Variants in PRKN observed in about 807,000 individuals in gnomAD.
PRKN encodes parkin RBR E3 ubiquitin protein ligase.
In PRKN, 56 loss-of-function variants were observed where a neutral mutation model predicts 59.5. The observed-to-expected ratio is 0.94, with a 90% confidence interval of 0.76 to 1.18. The LOEUF (loss-of-function observed/expected upper bound fraction) is 1.18. Ranked by LOEUF, PRKN falls within the 50% of genes most tolerant of loss-of-function variation. The pLI, the probability that PRKN is intolerant of heterozygous loss-of-function variation, is 0.00. For synonymous variants in PRKN, 250 were observed against 222.1 expected (o/e 1.13, Z -1.12); for missense variants, 657 against 596.4 (o/e 1.10, Z -1.06).
At chr6:162,724,138 A>G (rs1387248175) in intron 1 of PRKN, among the ~76,000 whole-genome samples, 1 of 152,226 alleles carries the variant, frequency 6.6e-6, no homozygotes, top group Non-Finnish European at 1.5e-5. Context: ...AAACACAAAG[A>G]ATTGCTCATT....
At chr6:162,459,890 A>T (rs1031539015) in intron 1 of PRKN, among the ~76,000 whole-genome samples, 1 of 152,238 alleles carries the variant, frequency 6.6e-6, no homozygotes, top group Non-Finnish European at 1.5e-5. Flanking sequence ...GATAGGGAGA[A>T]GGTGGAATCT....
chr6:162,495,066 A>G (rs1211599061), intron 1 of PRKN, among the ~76,000 whole-genome samples: 1 of 152,206 alleles, frequency 6.6e-6, no homozygotes, highest in Non-Finnish European at 1.5e-5. Flanking sequence ...TGATATCCAC[A>G]TTAAAAGACA....
chr6:161,389,005 TAC>T (rs1308077259), intron 9 of PRKN, among the ~76,000 whole-genome samples: 1 of 152,208 alleles, frequency 6.6e-6, no homozygotes, highest in Non-Finnish European at 1.5e-5. Context: ...TTCAAAAATT[TAC>T]AGAGACTTAC....
chr6:161,896,043 G>A (rs1777613801), intron 6 of PRKN, among the ~76,000 whole-genome samples: 1 of 152,198 alleles, frequency 6.6e-6, no homozygotes, highest in African/African-American at 2.4e-5. Flanking sequence ...CCTCAGCAGT[G>A]TTGGAGGAGA....
intron 1 of PRKN, among the ~76,000 whole-genome samples, chr6:162,518,068 G>A (rs1048487663): frequency 3.3e-5 from 5 of 152,090 alleles, no homozygotes; most frequent in African/African-American, 7.2e-5. Flanking sequence ...TGTTTTCATA[G>A]GTCAAGAGCT....
At chr6:162,714,190 C>A (rs1191225515) in intron 1 of PRKN, among the ~76,000 whole-genome samples, 1 of 152,106 alleles carries the variant, frequency 6.6e-6, no homozygotes, top group African/African-American at 2.4e-5. Flanking sequence ...TGCTTGCTTA[C>A]CGTAAACAGA....
At chr6:161,625,540 T>C (rs1783053308) in intron 7 of PRKN, among the ~76,000 whole-genome samples, 1 of 152,194 alleles carries the variant, frequency 6.6e-6, no homozygotes, top group Non-Finnish European at 1.5e-5. Context: ...TGTGCACATG[T>C]ACCCTAGAAC....
chr6:162,112,899 C>A (rs1341174957), intron 4 of PRKN, among the ~76,000 whole-genome samples: 1 of 152,094 alleles, frequency 6.6e-6, no homozygotes, highest in Non-Finnish European at 1.5e-5. Context: ...CTCCACCCTG[C>A]ACAACAGAGC....
intron 5 of PRKN, among the ~76,000 whole-genome samples, chr6:162,010,806 T>A (rs1196133938): frequency 9.7e-5 from 1 of 10,282 alleles, no homozygotes; most frequent in African/African-American, 8.0e-4. Context: ...ATAATATATA[T>A]TATATAATGT....
chr6:162,457,696 C>T (rs1381019686), intron 1 of PRKN, among the ~76,000 whole-genome samples: 1 of 152,178 alleles, frequency 6.6e-6, no homozygotes, highest in Non-Finnish European at 1.5e-5. Context: ...AACTCTGGGG[C>T]TCACACTGTA....
At chr6:161,763,205 G>A (rs144609927) in intron 7 of PRKN, among the ~76,000 whole-genome samples, 119 of 152,182 alleles carry the variant, frequency 7.8e-4, no homozygotes, top group African/African-American at 2.0e-3. Context: ...TGCCCAAATC[G>A]TGCGACTCTC....
chr6:162,324,926 TAAAAC>T (rs67805682), intron 2 of PRKN, among the ~76,000 whole-genome samples: 68,132 of 151,156 alleles, frequency 0.45, 15,756 homozygotes, highest in Middle Eastern at 0.52. Flanking sequence ...GCATCTGATG[TAAAAC>T]AAAACAAAAC....
In PRKN at chr6:161,410,965, C is replaced by A. The variant is rs999867450; in HGVS notation, c.1084-24088G>T. ...GGAAGTTTCATCCTGAAACCGGTTTCCTCAGGTGGAAGGAAGGCAGTTGAC... is the reference window on the plus strand; with the variant it reads ...GGAAGTTTCATCCTGAAACCGGTTTACTCAGGTGGAAGGAAGGCAGTTGAC... On this transcript the variant is annotated intron_variant, in intron 9 of 11. Transcript: ENST00000366898. This position sits in a 1 kb window ranked among gnomAD's most constrained non-coding sequence, Gnocchi z 5.3. Among the ~76,000 whole-genome samples, 1 of 152,140 alleles carries A rather than the reference C, an allele frequency of 6.6e-6. No homozygotes were observed. Among genetic ancestry groups the A allele is most frequent in the Non-Finnish European group, 1.5e-5 (1 of 68,024 alleles).
chr6:161,815,289 T>C (rs1305966185), intron 6 of PRKN, among the ~76,000 whole-genome samples: 1 of 152,232 alleles, frequency 6.6e-6, no homozygotes, highest in Non-Finnish European at 1.5e-5. Context: ...CTAGAGGTAT[T>C]GTACTTTGAA....
intron 2 of PRKN, among the ~76,000 whole-genome samples, chr6:162,374,264 T>C (rs995712302): frequency 6.6e-6 from 1 of 152,144 alleles, no homozygotes; most frequent in African/African-American, 2.4e-5. Context: ...TGGGAAGTAG[T>C]TGGATAGTGG....
intron 7 of PRKN, among the ~76,000 whole-genome samples, chr6:161,620,613 T>C (rs1163367043): frequency 1.3e-5 from 2 of 152,134 alleles, no homozygotes; most frequent in Non-Finnish European, 2.9e-5. Flanking sequence ...AATCCGAATC[T>C]CCACTTTGCA....
intron 4 of PRKN, among the ~76,000 whole-genome samples, chr6:162,132,002 C>T (rs946527035): frequency 6.6e-6 from 1 of 152,158 alleles, no homozygotes; most frequent in Non-Finnish European, 1.5e-5. Flanking sequence ...TAACTGATCA[C>T]TTACAGATAA....
intron 2 of PRKN, among the ~76,000 whole-genome samples, chr6:162,430,596 T>TATAC (rs1278429017): frequency 6.6e-6 from 1 of 152,010 alleles, no homozygotes; most frequent in Non-Finnish European, 1.5e-5. Flanking sequence ...TATATATATA[T>TATAC]ATATCTTGTA....
intron 1 of PRKN, among the ~76,000 whole-genome samples, chr6:162,686,394 C>A (rs924761122): frequency 3.3e-5 from 5 of 152,050 alleles, no homozygotes; most frequent in Admixed American, 2.0e-4. Flanking sequence ...GGTGGTGTAA[C>A]GGCTGATTTT....
Sources: gnomAD v4.1 joint callset for allele counts (sites outside exome capture counted in the v4.1 genomes callset) on GRCh38, gnomAD v4.1.1 for gene constraint, Gnocchi (gnomAD v3.1) non-coding constraint, MANE v1.5 for transcripts, NCBI Gene and HGNC (gene_info 2026-07-23, HGNC 2026-07-21) for gene names.